ERBB4: variants seen among roughly 807,000 people sequenced by gnomAD.
ERBB4 encodes receptor tyrosine-protein kinase erbB-4.
ERBB4 carries 42 observed loss-of-function variants against 158.0 expected under a neutral mutation model. The ratio of observed to expected loss-of-function variants is 0.27; its 90% CI spans 0.21 to 0.34. The LOEUF (loss-of-function observed/expected upper bound fraction) is 0.34. ERBB4 is among the 10% of genes least tolerant of loss of function. ERBB4 has a pLI of 1.00. For missense variants in ERBB4, 1,333 were observed against 1,624.1 expected, an observed-to-expected ratio of 0.82 and a Z score of 3.08; for synonymous variants, 583 against 558.7, an observed-to-expected ratio of 1.04 and a Z score of -0.61.
intron 3 of ERBB4, among the ~76,000 whole-genome samples, chr2:211,923,539 T>A (rs781072078): frequency 6.6e-6 from 1 of 152,040 alleles, no homozygotes; most frequent in Non-Finnish European, 1.5e-5. Flanking sequence ...TTCATCTTCA[T>A]GAGATGGTGT....
chr2:212,230,710 G>A (rs895019704), intron 1 of ERBB4, among the ~76,000 whole-genome samples: 1 of 151,994 alleles, frequency 6.6e-6, no homozygotes, highest in Admixed American at 6.6e-5. Context: ...ACTTATTCAG[G>A]TTATCTTTTA....
chr2:211,915,435 T>TTTTATA (rs1553512119), intron 3 of ERBB4, among the ~76,000 whole-genome samples: 30 of 135,448 alleles, frequency 2.2e-4, no homozygotes, highest in African/African-American at 9.9e-4. Flanking sequence ...AGTTCAAACA[T>TTTTATA]TACATATATA....
intron 1 of ERBB4, among the ~76,000 whole-genome samples, chr2:212,292,748 G>C (rs1479084233): frequency 3.3e-5 from 5 of 152,046 alleles, no homozygotes; most frequent in African/African-American, 4.8e-5. Context: ...TTAGTGAAAA[G>C]TTGTTTAGCC....
chr2:211,650,465 C>T (rs2070941157), intron 16 of ERBB4, among the ~76,000 whole-genome samples: 1 of 151,964 alleles, frequency 6.6e-6, no homozygotes, highest in Non-Finnish European at 1.5e-5. Context: ...GATCTGTGTG[C>T]ACATATAAAT....
At chr2:211,585,224 A>T (rs1976833) in intron 19 of ERBB4, among the ~76,000 whole-genome samples, 10 of 151,654 alleles carry the variant, frequency 6.6e-5, no homozygotes, top group African/African-American at 1.9e-4. Context: ...TGGCAGCGGG[A>T]GCCTGTAGTC....
intron 2 of ERBB4, among the ~76,000 whole-genome samples, chr2:211,948,953 G>A (rs1209239635): frequency 6.6e-6 from 1 of 151,968 alleles, no homozygotes; most frequent in Non-Finnish European, 1.5e-5. Flanking sequence ...ATCAATGGCT[G>A]AACTCTTTTC....
chr2:212,359,506 C>T (rs1373819097), intron 1 of ERBB4, among the ~76,000 whole-genome samples: 1 of 151,618 alleles, frequency 6.6e-6, no homozygotes, highest in African/African-American at 2.4e-5. Flanking sequence ...TTCCTAGTTT[C>T]CAACCTCACC....
At chr2:211,919,980 C>A (rs1393648133) in intron 3 of ERBB4, among the ~76,000 whole-genome samples, 1 of 152,000 alleles carries the variant, frequency 6.6e-6, no homozygotes, top group African/African-American at 2.4e-5. Flanking sequence ...TATTCCATCT[C>A]ACATATGACC....
chr2:211,394,132 C>A (rs992087463), intron 25 of ERBB4, among the ~76,000 whole-genome samples: 2 of 151,948 alleles, frequency 1.3e-5, no homozygotes, highest in African/African-American at 4.8e-5. Context: ...CTGAAAATCT[C>A]CCTCACTTTA....
intron 2 of ERBB4, among the ~76,000 whole-genome samples, chr2:212,003,774 G>T (rs997831955): frequency 3.3e-5 from 5 of 152,118 alleles, no homozygotes; most frequent in Non-Finnish European, 7.4e-5. Flanking sequence ...GATTGATAGG[G>T]CAAAGTGGTC....
intron 1 of ERBB4, among the ~76,000 whole-genome samples, chr2:212,455,736 G>A (rs914000449): frequency 6.6e-6 from 1 of 151,874 alleles, no homozygotes; most frequent in Admixed American, 6.6e-5. Flanking sequence ...TTTTTAAAGT[G>A]TTACTTTTTA....
At chr2:211,665,572 G>C in intron 14 of ERBB4, 95 bp from the exon 15 acceptor site, 4 of 1,159,720 alleles carry the variant, frequency 3.4e-6, no homozygotes, top group Non-Finnish European at 5.0e-6. Flanking sequence ...ACTTCAGTAG[G>C]TGGCAAATCT....
At position 211,734,602 on chromosome 2, in the gene ERBB4, G is replaced by A. The variant is rs528506384; in HGVS notation, c.623-9408C>T. On this transcript the variant is annotated intron_variant, in intron 5 of 27. Coordinates refer to ENST00000342788, the MANE Select transcript of ERBB4 (RefSeq NM_005235.3). The stretch of plus-strand genomic sequence containing the variant: ...GTAAATTATAGCACAACCATAACTA[G>A]GGAAATAGCTGTAGCATTAAAAAAA... Among the ~76,000 whole-genome samples, 6 of 136,700 alleles carry A rather than the reference G, an allele frequency of 4.4e-5. No homozygotes were observed. In the East Asian group the frequency reaches 8.4e-4, roughly 19 times the overall value. 89.7% of individuals were successfully genotyped at this position (136,700 alleles called of 152,430 possible). A position where few individuals can be genotyped will look rare whatever the true frequency, so the allele number is the denominator to read the frequency against.
chr2:212,040,209 C>CTT (rs2077105943), intron 2 of ERBB4, among the ~76,000 whole-genome samples: 1 of 151,844 alleles, frequency 6.6e-6, no homozygotes, highest in Non-Finnish European at 1.5e-5. Context: ...TTTAATTTTA[C>CTT]TTTCTTTAAA....
chr2:212,463,929 C>T (rs1452193579), intron 1 of ERBB4, among the ~76,000 whole-genome samples: 2 of 152,114 alleles, frequency 1.3e-5, no homozygotes, highest in Non-Finnish European at 2.9e-5. Context: ...TGCAAACCTT[C>T]TCTTAGCTAG....
chr2:212,058,209 G>T (rs1195407475), intron 2 of ERBB4, among the ~76,000 whole-genome samples: 2 of 152,208 alleles, frequency 1.3e-5, no homozygotes, highest in South Asian at 2.1e-4. Context: ...ATAAATTCCT[G>T]GACACATACA....
chr2:212,171,291 A>C (rs1459358056), intron 1 of ERBB4, among the ~76,000 whole-genome samples: 2 of 150,508 alleles, frequency 1.3e-5, no homozygotes, highest in African/African-American at 4.9e-5. Flanking sequence ...TCCAATGCCC[A>C]TACCCCCATT....
chr2:212,057,128 T>C (rs961901571), intron 2 of ERBB4, among the ~76,000 whole-genome samples: 4 of 152,106 alleles, frequency 2.6e-5, no homozygotes, highest in African/African-American at 7.2e-5. Context: ...GCGGTTGCAA[T>C]CCTAGTCTCT....
At chr2:212,191,843 C>CAT (rs533165155) in intron 1 of ERBB4, among the ~76,000 whole-genome samples, 24,492 of 136,876 alleles carry the variant, frequency 0.18, 2,616 homozygotes, top group Non-Finnish European at 0.21. Flanking sequence ...ATATATAATA[C>CAT]ATGTTATATA....
Sources: gnomAD v4.1 joint callset for allele counts (sites outside exome capture counted in the v4.1 genomes callset) on GRCh38, gnomAD v4.1.1 for gene constraint, MANE v1.5 for transcripts, NCBI Gene and HGNC (gene_info 2026-07-23, HGNC 2026-07-21) for gene names.